NDEL1: variants seen among roughly 807,000 people sequenced by gnomAD.
The protein encoded by NDEL1 is nudE neurodevelopment protein 1 like 1.
NDEL1 carries 9 observed loss-of-function variants against 45.7 expected under a neutral mutation model. The ratio of observed to expected loss-of-function variants is 0.20; its 90% CI spans 0.12 to 0.34. The LOEUF is 0.34. NDEL1 is among the 10% of genes least tolerant of loss of function. The pLI is 1.00. For missense variants in NDEL1, 306 were observed against 406.2 expected, an observed-to-expected ratio of 0.75 and a Z score of 2.12; for synonymous variants, 133 against 158.6, an observed-to-expected ratio of 0.84 and a Z score of 1.21.
Position 8,465,534 on chromosome 17 carries a change from C to A in NDEL1, c.945-1396C>A, listed in dbSNP as rs1408966390. ...ATGAACTTTGTTTCTTCCAAGTAGG[C>A]AGGGACTATTTGTCAAGTCTCTGCA... is the stretch of plus-strand genomic sequence containing the variant. On this transcript the variant is annotated intron_variant, in intron 8 of 8. Transcript: ENST00000334527. This position sits in a 1 kb window ranked among gnomAD's most constrained non-coding sequence, Gnocchi z 4.9. The A allele has an allele frequency of 6.6e-6, 1 of 152,136 alleles. No homozygotes were observed. Among genetic ancestry groups the A allele is most frequent in the African/African-American group, 2.4e-5 (1 of 41,428 alleles). The allele number at this position is 152,136 out of a possible 1,614,324, so 9.4% of individuals were successfully genotyped here.
Position 8,459,951 on chromosome 17 carries a change from A to G in NDEL1, c.793-58A>G, listed in dbSNP as rs1008988492. 2.9e-5 allele frequency: 45 copies of G among 1,543,558 alleles called. No homozygotes were observed. The Middle Eastern group carries it at 5.2e-4, about 18-fold the overall frequency. ...TGAAATAGAAATGGTTTGAAATGCA[A>G]ATTTTTATGTGCAGCTACTGTTTTG... On this transcript the variant is annotated intron_variant, in intron 7 of 8. Coordinates refer to ENST00000334527, the MANE Select transcript of NDEL1 (RefSeq NM_030808.5).
intron 1 of NDEL1, among the ~76,000 whole-genome samples, chr17:8,429,775 C>T (rs909819240): frequency 6.6e-6 from 1 of 152,008 alleles, no homozygotes; most frequent in African/African-American, 2.4e-5. Flanking sequence ...ACAAAGGTAA[C>T]AAGATGCCAA....
chr17:8,419,814 G>T (rs1362570284), intron 1 of NDEL1, among the ~76,000 whole-genome samples: 1 of 152,088 alleles, frequency 6.6e-6, no homozygotes, highest in African/African-American at 2.4e-5. Context: ...GGGAGTGATC[G>T]GGAAGGGTCA....
intron 8 of NDEL1, among the ~76,000 whole-genome samples, chr17:8,460,936 T>C (rs1161872894): frequency 6.6e-6 from 1 of 152,242 alleles, no homozygotes; most frequent in Non-Finnish European, 1.5e-5. Flanking sequence ...AATTTACTTA[T>C]TTATTTTTAA....
chr17:8,458,893 A>AT (rs995393843), intron 7 of NDEL1, among the ~76,000 whole-genome samples: 28 of 151,976 alleles, frequency 1.8e-4, no homozygotes, highest in Non-Finnish European at 2.4e-4. Context: ...CACCCAGCTA[A>AT]TTTTTTTATT....
chr17:8,445,346 G>A (rs753494862), intron 2 of NDEL1, among the ~76,000 whole-genome samples: 22 of 152,302 alleles, frequency 1.4e-4, no homozygotes, highest in Non-Finnish European at 2.6e-4. Context: ...CTATTGTGAT[G>A]TGAAAATATG....
chr17:8,422,255 T>C (rs1004309152), intron 1 of NDEL1, among the ~76,000 whole-genome samples: 2 of 152,240 alleles, frequency 1.3e-5, no homozygotes, highest in Admixed American at 6.5e-5. Flanking sequence ...TAGAAAATTG[T>C]TGAAACAGCA....
Position 8,467,351 on chromosome 17 carries a change from A to G in NDEL1, c.*328A>G. ...TCATCACACCTGCCCCATAGCCCCC[A>G]CTCTGCTGTACTGATAGGATTTAGT... On this transcript the variant is annotated 3_prime_UTR_variant, in exon 9 of 9. Coordinates refer to ENST00000334527, the MANE Select transcript of NDEL1 (RefSeq NM_030808.5). The surrounding 1 kb of genome is among the most constrained non-coding windows in gnomAD (Gnocchi z 6.3). 6.1e-6 allele frequency: 3 copies of G among 494,498 alleles called. No homozygotes were observed. The highest frequency in any genetic ancestry group is 1.1e-5 in the Non-Finnish European group (3 of 282,876). The allele number at this position is 494,498 out of a possible 1,614,324, so 30.6% of individuals were successfully genotyped here.
At chr17:8,448,809 C>A in intron 5 of NDEL1, 123 bp downstream of exon 5, 3 of 998,738 alleles carry the variant, frequency 3.0e-6, no homozygotes, top group Non-Finnish European at 4.3e-6. Flanking sequence ...GTATTCACGG[C>A]ATTCAAAACC....
At chr17:8,419,840 TAGATA>T in intron 1 of NDEL1, among the ~76,000 whole-genome samples, 1 of 152,112 alleles carries the variant, frequency 6.6e-6, no homozygotes, top group Non-Finnish European at 1.5e-5. Flanking sequence ...GGACCCTCAT[TAGATA>T]CCTCCACAGC....
Position 8,446,741 on chromosome 17 carries a change from C to T in NDEL1, c.241-13C>T, listed in dbSNP as rs1910108259. 6.2e-7 allele frequency: 1 copy of T among 1,611,838 alleles called. No individual in the cohort carries two copies. Among genetic ancestry groups the T allele is most frequent in the African/African-American group, 1.3e-5 (1 of 74,748 alleles). On this transcript the variant is annotated splice_polypyrimidine_tract_variant and intron_variant, in intron 3 of 8. Transcript: ENST00000334527. ...TATTAATGACATGTACTTTCCTATA[C>T]TGATGCCCTCAGGAGAAGCTAGAGC... is the stretch of plus-strand genomic sequence containing the variant.
At position 8,460,071 on chromosome 17, in the gene NDEL1, C is replaced by G. The variant is rs1567741516; in HGVS notation, c.855C>G (p.Ser285=). The G allele has an allele frequency of 6.2e-7, 1 of 1,614,088 alleles. No individual in the cohort carries two copies. Among genetic ancestry groups the G allele is most frequent in the Non-Finnish European group, 8.5e-7 (1 of 1,180,006 alleles). ...CAAAGGACCAAGCATCACGAAAATC[C>G]TATATTTCAGGGAATGTTAACTGTG... ...NFAKDQASRK[S]YISGNVNCGV... is the part of the protein sequence containing the mutation. The change falls in exon 8 of 9, where the codon TCC becomes TCG. Residue 285 remains serine, a synonymous_variant. Coordinates refer to ENST00000334527, the MANE Select transcript of NDEL1 (RefSeq NM_030808.5).
intron 5 of NDEL1, among the ~76,000 whole-genome samples, chr17:8,449,442 A>T (rs1236208383): frequency 6.6e-6 from 1 of 152,184 alleles, no homozygotes; most frequent in Non-Finnish European, 1.5e-5. Context: ...TAATCATTTT[A>T]AAGTGTACAG....
chr17:8,448,764 G>A (rs1910261772), intron 5 of NDEL1, 78 bp downstream of exon 5: 1 of 1,364,572 alleles, frequency 7.3e-7, no homozygotes, highest in Non-Finnish European at 9.8e-7. Flanking sequence ...CTTATACTCT[G>A]ATTTTTTTTC....
chr17:8,443,001 A>C lies in NDEL1; in HGVS notation c.-12-1259A>C, dbSNP rs534369364. ...TCACCGTGTTAGCCAGGATGGTCTC[A>C]ATCTCCTGACCTCGTGATCCGCCCG... On this transcript the variant is annotated intron_variant, in intron 1 of 8. Transcript: ENST00000334527. Among the ~76,000 whole-genome samples the C allele has an allele frequency of 1.4e-4, 21 of 151,300 alleles. No individual in the cohort carries two copies. The East Asian group carries it at 3.4e-3, about 24-fold the overall frequency.
At chr17:8,461,026 G>A (rs988850099) in intron 8 of NDEL1, 1 of 152,108 alleles carries the variant, frequency 6.6e-6, no homozygotes, top group Non-Finnish European at 1.5e-5. Flanking sequence ...GGATGCTCAC[G>A]GTGTTGCCTA....
At chr17:8,463,668 C>T (rs1414744117) in intron 8 of NDEL1, among the ~76,000 whole-genome samples, 2 of 152,184 alleles carry the variant, frequency 1.3e-5, no homozygotes, top group Non-Finnish European at 2.9e-5. Flanking sequence ...GGTTTGAGGT[C>T]ACTGTCAGGC....
chr17:8,415,151 T>A, intron 1 of NDEL1, among the ~76,000 whole-genome samples: 1 of 143,644 alleles, frequency 7.0e-6, no homozygotes. Flanking sequence ...TTTCTGTCTC[T>A]CTGTCTCCCT....
intron 1 of NDEL1, among the ~76,000 whole-genome samples, chr17:8,436,981 G>A (rs573096465): frequency 1.3e-5 from 2 of 152,262 alleles, no homozygotes; most frequent in South Asian, 4.1e-4. Context: ...TACAAAACAA[G>A]GCAGAAAATG....
Sources: allele counts gnomAD v4.1 joint callset (sites outside exome capture counted in the v4.1 genomes callset), GRCh38; gene constraint gnomAD v4.1.1; non-coding constraint Gnocchi (gnomAD v3.1); transcripts MANE v1.5; gene names NCBI Gene and HGNC (gene_info 2026-07-23, HGNC 2026-07-21).